Variants in SYT16 observed in about 807,000 individuals in gnomAD.
SYT16 encodes the protein synaptotagmin-16.
SYT16 carries 42 observed loss-of-function variants against 61.4 expected under a neutral mutation model. That is an observed-to-expected ratio of 0.68 (90% CI 0.53 to 0.89). The LOEUF (loss-of-function observed/expected upper bound fraction) is 0.89. Ranked by LOEUF, SYT16 falls within the 40% of genes least tolerant of loss-of-function variation. SYT16 has a pLI of 0.00. For synonymous variants in SYT16, 314 were observed against 302.3 expected (o/e 1.04, Z -0.40); for missense variants, 804 against 807.3 (o/e 1.00, Z 0.05).
chr14:61,988,498 C>T (rs915407501), intron 2 of SYT16, among the ~76,000 whole-genome samples: 1 of 152,140 alleles, frequency 6.6e-6, no homozygotes. Context: ...TTAAGGAATA[C>T]TTACAATGTG....
chr14:61,813,696 T>G (rs2045339422), intron 1 of SYT16, among the ~76,000 whole-genome samples: 1 of 151,422 alleles, frequency 6.6e-6, no homozygotes, highest in Non-Finnish European at 1.5e-5. Flanking sequence ...AGCCCAGGAG[T>G]GCGAGGCTGC....
intron 2 of SYT16, among the ~76,000 whole-genome samples, chr14:61,975,380 C>G (rs1213969962): frequency 6.6e-6 from 1 of 152,070 alleles, no homozygotes; most frequent in Non-Finnish European, 1.5e-5. Context: ...CCTCATGTGT[C>G]AGTCCATTTT....
At chr14:62,082,536 A>G (rs1419388849) in intron 6 of SYT16, among the ~76,000 whole-genome samples, 1 of 152,196 alleles carries the variant, frequency 6.6e-6, no homozygotes, top group Non-Finnish European at 1.5e-5. Context: ...ATAGCTGCTC[A>G]GCGGTGGTCT....
At chr14:62,046,137 C>T (rs983811304) in intron 3 of SYT16, among the ~76,000 whole-genome samples, 26 of 152,146 alleles carry the variant, frequency 1.7e-4, no homozygotes, top group Admixed American at 3.9e-4. Context: ...TTTTAATGAT[C>T]GCCATTCTAA....
chr14:62,045,787 A>C (rs2054952795), intron 3 of SYT16, among the ~76,000 whole-genome samples: 3 of 152,098 alleles, frequency 2.0e-5, no homozygotes, highest in South Asian at 2.1e-4. Flanking sequence ...TGAACTCATC[A>C]TTTTTTATGG....
At chr14:62,044,716 A>G (rs983713084) in intron 3 of SYT16, among the ~76,000 whole-genome samples, 3 of 151,992 alleles carry the variant, frequency 2.0e-5, no homozygotes, top group African/African-American at 7.3e-5. Context: ...GGGCATTTGG[A>G]TTGGTTCCAA....
chr14:61,946,854 A>T (rs1348990054), intron 1 of SYT16, among the ~76,000 whole-genome samples: 2 of 152,134 alleles, frequency 1.3e-5, no homozygotes, highest in African/African-American at 4.8e-5. Flanking sequence ...AAAATTGGGG[A>T]GGCATAGAAC....
At chr14:61,886,900 T>TC (rs2047928778) in intron 1 of SYT16, among the ~76,000 whole-genome samples, 1 of 26,876 alleles carries the variant, frequency 3.7e-5, no homozygotes, top group Non-Finnish European at 7.5e-5. Context: ...TTTTTTGTCT[T>TC]TTTTTTTTTT....
rs1211174229 is a variant in SYT16, at chr14:62,108,815, A to G, written c.*8108A>G. 1.3e-5 allele frequency: 2 copies of G among 152,206 alleles called. No individual in the cohort carries two copies. The highest frequency in any genetic ancestry group is 2.9e-5 in the Non-Finnish European group (2 of 68,024). The allele number at this position is 152,206 out of a possible 1,614,324, so 9.4% of individuals were successfully genotyped here. On this transcript the variant is annotated 3_prime_UTR_variant, in exon 8 of 8. Coordinates refer to ENST00000683842, the MANE Select transcript of SYT16 (RefSeq NM_001367656.1). ...ATATTTTCTCTTATAGTGTTGGGAT[A>G]GGATTTGACCTGTATTTTCAGGTTA...
chr14:61,985,954 C>T (rs2052288772), intron 2 of SYT16, among the ~76,000 whole-genome samples: 1 of 152,124 alleles, frequency 6.6e-6, no homozygotes, highest in African/African-American at 2.4e-5. Context: ...AAGGGGAGCT[C>T]CCCAAGATCC....
chr14:61,848,081 G>A (rs1032048335), intron 1 of SYT16, among the ~76,000 whole-genome samples: 15 of 152,176 alleles, frequency 9.9e-5, no homozygotes, highest in East Asian at 7.7e-4. Context: ...TGTTTGGTGA[G>A]GTCATGTTTT....
At chr14:61,993,454 A>G (rs1054657837) in intron 2 of SYT16, among the ~76,000 whole-genome samples, 6 of 152,130 alleles carry the variant, frequency 3.9e-5, no homozygotes, top group Non-Finnish European at 8.8e-5. Context: ...AACAACAACA[A>G]CAAAAAACTC....
At chr14:62,007,821 G>A (rs986457356) in intron 3 of SYT16, among the ~76,000 whole-genome samples, 17 of 151,782 alleles carry the variant, frequency 1.1e-4, no homozygotes, top group Admixed American at 1.1e-3. Context: ...GGAATTAGAG[G>A]CAAGTTATCC....
chr14:62,062,375 C>A (rs2055862990), intron 3 of SYT16, among the ~76,000 whole-genome samples: 1 of 152,070 alleles, frequency 6.6e-6, no homozygotes, highest in Admixed American at 6.5e-5. Context: ...TCTTCCTTCT[C>A]CCCCCAGCAT....
At chr14:62,075,968 T>C (rs2056481992) in intron 5 of SYT16, among the ~76,000 whole-genome samples, 1 of 152,248 alleles carries the variant, frequency 6.6e-6, no homozygotes, top group African/African-American at 2.4e-5. Context: ...AATGCCCCTC[T>C]GGCCATTGAC....
intron 1 of SYT16, among the ~76,000 whole-genome samples, chr14:61,959,535 C>T (rs147434698): frequency 6.0e-4 from 92 of 152,202 alleles, no homozygotes; most frequent in Non-Finnish European, 1.1e-3. Context: ...CTTCCCCCAA[C>T]GCTTTGTGCA....
chr14:61,938,918 T>C (rs1248176493), intron 1 of SYT16, among the ~76,000 whole-genome samples: 1 of 152,128 alleles, frequency 6.6e-6, no homozygotes, highest in Non-Finnish European at 1.5e-5. Context: ...GCGGATCACT[T>C]AAGGTCAGGA....
chr14:61,834,286 A>G (rs1021323895), intron 1 of SYT16, among the ~76,000 whole-genome samples: 3 of 151,570 alleles, frequency 2.0e-5, no homozygotes, highest in Non-Finnish European at 2.9e-5. Context: ...ACCTGCCACC[A>G]TGCCTGGCTA....
intron 3 of SYT16, among the ~76,000 whole-genome samples, chr14:62,062,818 G>C (rs1209467606): frequency 6.6e-6 from 1 of 152,116 alleles, no homozygotes; most frequent in African/African-American, 2.4e-5. Flanking sequence ...CTGCACCACT[G>C]AGCACAACCC....
Sources: gnomAD v4.1 joint callset for allele counts (sites outside exome capture counted in the v4.1 genomes callset) on GRCh38, gnomAD v4.1.1 for gene constraint, MANE v1.5 for transcripts, NCBI Gene and HGNC (gene_info 2026-07-23, HGNC 2026-07-21) for gene names.